Variants in HMCN1 observed in about 807,000 individuals in gnomAD.
HMCN1 encodes hemicentin 1.
A neutral mutation model predicts 625.9 loss-of-function variants in HMCN1; 321 were observed. That is an observed-to-expected ratio of 0.51 (90% CI 0.47 to 0.56). HMCN1 has a LOEUF of 0.56. Ranked by LOEUF, HMCN1 falls within the 20% of genes least tolerant of loss-of-function variation. The probability of loss-of-function intolerance (pLI) is 0.00; values close to 1 mark genes in which losing one functional copy is unlikely to be tolerated. For missense variants in HMCN1, 6,588 were observed against 6,887.3 expected (o/e 0.96, Z 1.54); for synonymous variants, 2,425 against 2,417.6 (o/e 1.00, Z -0.09).
chr1:185,977,740 C>G, intron 15 of HMCN1, 47 bp from the exon 16 acceptor site: 1 of 1,116,142 alleles, frequency 9.0e-7, no homozygotes. Flanking sequence ...TTTAATATGC[C>G]TGTATAATAT....
At chr1:186,110,974 A>ATTTTTTTTTTT (rs778503338) in intron 71 of HMCN1, among the ~76,000 whole-genome samples, 8 of 59,948 alleles carry the variant, frequency 1.3e-4, no homozygotes, top group African/African-American at 1.2e-3. Flanking sequence ...ACCAGAGAAA[A>ATTTTTTTTTTT]TTCTTTTTTT....
chr1:185,964,744 A>C (rs1371228412), intron 13 of HMCN1, among the ~76,000 whole-genome samples: 1 of 152,090 alleles, frequency 6.6e-6, no homozygotes, highest in Non-Finnish European at 1.5e-5. Context: ...AGGAATTAGC[A>C]AAGATTTCTC....
intron 18 of HMCN1, 36 bp from the exon 19 acceptor site, chr1:185,984,133 T>C: frequency 6.3e-7 from 1 of 1,588,502 alleles, no homozygotes; most frequent in Non-Finnish European, 8.6e-7. Flanking sequence ...AAATCCTTTC[T>C]TTTTAAATAA....
Position 185,846,103 on chromosome 1 carries a change from G to C in HMCN1, c.339+7G>C, listed in dbSNP as rs1317122809. The C allele has an allele frequency of 6.9e-6, 11 of 1,597,072 alleles. No individual in the cohort carries two copies. The highest frequency in any genetic ancestry group is 9.4e-6 in the Non-Finnish European group (11 of 1,164,914). ...CAGAGAACTGTATGTTCAGGTGAGT[G>C]CTTGCTTTCAGTGTTCTCTTGGGGG... On this transcript the variant is annotated splice_region_variant and intron_variant, in intron 2 of 106. Coordinates refer to ENST00000271588, the MANE Select transcript of HMCN1 (RefSeq NM_031935.3).
Position 186,112,437 on chromosome 1 carries a change from A to G in HMCN1, c.10990-375A>G, listed in dbSNP as rs566330394. On this transcript the variant is annotated intron_variant, in intron 71 of 106. Transcript: ENST00000271588. Reference sequence around the variant, plus strand: ...TAGATTCAGGACAGCCTGTTTCCACATGATAAGACTGCCACTAGGCTTAGG... The same window carrying G: ...TAGATTCAGGACAGCCTGTTTCCACGTGATAAGACTGCCACTAGGCTTAGG... 3.3e-5 allele frequency among the ~76,000 whole-genome samples: 5 copies of G among 152,354 alleles called. No individual in the cohort carries two copies. In the East Asian group the frequency reaches 9.6e-4, roughly 29 times the overall value.
At chr1:185,818,911 C>G (rs1300175633) in intron 1 of HMCN1, among the ~76,000 whole-genome samples, 1 of 143,756 alleles carries the variant, frequency 7.0e-6, no homozygotes, top group Non-Finnish European at 1.5e-5. Flanking sequence ...GCAATTTTAC[C>G]TTTTTTTTTT....
At chr1:186,040,386 AT>A (rs1288423037) in intron 39 of HMCN1, among the ~76,000 whole-genome samples, 2 of 152,146 alleles carry the variant, frequency 1.3e-5, no homozygotes, top group Non-Finnish European at 2.9e-5. Flanking sequence ...AATGCATTAT[AT>A]TGAGTCAAAA....
At chr1:185,856,863 A>G (rs1019502887) in intron 2 of HMCN1, among the ~76,000 whole-genome samples, 16 of 152,242 alleles carry the variant, frequency 1.1e-4, no homozygotes, top group Admixed American at 3.3e-4. Context: ...GCATGGGAGC[A>G]TGCTTGCTCT....
At chr1:186,155,151 T>C (rs1650912491) in intron 97 of HMCN1, among the ~76,000 whole-genome samples, 1 of 152,236 alleles carries the variant, frequency 6.6e-6, no homozygotes, top group Non-Finnish European at 1.5e-5. Context: ...ATTTTCAGTG[T>C]TTACTCTTGC....
At chr1:185,880,281 A>C (rs1664219222) in intron 4 of HMCN1, among the ~76,000 whole-genome samples, 1 of 152,210 alleles carries the variant, frequency 6.6e-6, no homozygotes, top group Non-Finnish European at 1.5e-5. Context: ...ATTGATGGAA[A>C]AAAAGCATAG....
chr1:185,824,409 A>G (rs1660383411), intron 1 of HMCN1, among the ~76,000 whole-genome samples: 1 of 152,128 alleles, frequency 6.6e-6, no homozygotes, highest in African/African-American at 2.4e-5. Flanking sequence ...TTACCTTCTG[A>G]CTAAATCATA....
chr1:186,088,809 G>A, intron 63 of HMCN1, 54 bp downstream of exon 63: 1 of 1,509,354 alleles, frequency 6.6e-7, no homozygotes, highest in South Asian at 1.2e-5. Context: ...TCCATTTATA[G>A]TACAAAATAA....
chr1:186,124,766 A>G (rs997340755), intron 81 of HMCN1, among the ~76,000 whole-genome samples: 2 of 152,038 alleles, frequency 1.3e-5, no homozygotes, highest in Non-Finnish European at 2.9e-5. Context: ...TCACTCGTTA[A>G]AATGTCATTA....
At chr1:185,820,824 C>A (rs1278988930) in intron 1 of HMCN1, among the ~76,000 whole-genome samples, 1 of 151,938 alleles carries the variant, frequency 6.6e-6, no homozygotes, top group Non-Finnish European at 1.5e-5. Flanking sequence ...AAAGCGCTTG[C>A]CATAAACTAC....
intron 18 of HMCN1, among the ~76,000 whole-genome samples, chr1:185,983,398 C>T (rs1373936569): frequency 6.6e-6 from 1 of 151,650 alleles, no homozygotes; most frequent in Non-Finnish European, 1.5e-5. Context: ...TGCACTCCAG[C>T]CTGGGTGACA....
At chr1:186,104,770 G>A (rs774440514) in intron 69 of HMCN1, among the ~76,000 whole-genome samples, 1 of 152,186 alleles carries the variant, frequency 6.6e-6, no homozygotes, top group East Asian at 1.9e-4. Context: ...TAGCATCTTC[G>A]AGTGCATACC....
chr1:185,802,211 T>C (rs1289191655), intron 1 of HMCN1, among the ~76,000 whole-genome samples: 5 of 152,172 alleles, frequency 3.3e-5, no homozygotes, highest in Middle Eastern at 3.4e-3. Context: ...GATTGTGCAA[T>C]TGGATGAACA....
chr1:185,897,993 A>G (rs1665582178), intron 4 of HMCN1, among the ~76,000 whole-genome samples: 1 of 152,194 alleles, frequency 6.6e-6, no homozygotes, highest in Non-Finnish European at 1.5e-5. Context: ...AATTTTTTCA[A>G]TAAGGATTAT....
At chr1:185,968,690 A>G (rs1316790752) in intron 14 of HMCN1, among the ~76,000 whole-genome samples, 1 of 152,016 alleles carries the variant, frequency 6.6e-6, no homozygotes, top group African/African-American at 2.4e-5. Context: ...TAAACTGTAG[A>G]AAAAAGAGAA....
Sources: gnomAD v4.1 joint callset for allele counts (sites outside exome capture counted in the v4.1 genomes callset) on GRCh38, gnomAD v4.1.1 for gene constraint, MANE v1.5 for transcripts, NCBI Gene and HGNC (gene_info 2026-07-23, HGNC 2026-07-21) for gene names.